Variants in DRG2 observed in about 807,000 individuals in gnomAD.
DRG2 encodes developmentally-regulated GTP-binding protein 2.
Under a neutral mutation model 53.4 loss-of-function variants are expected in DRG2, and 36 were observed. The ratio of observed to expected loss-of-function variants is 0.67; its 90% confidence interval spans 0.52 to 0.89. The LOEUF is 0.89. Among genes scored for constraint, DRG2 ranks in the 40% least tolerant of loss-of-function variants. The pLI, the probability that DRG2 is intolerant of heterozygous loss-of-function variation, is 0.00. For synonymous variants in DRG2, 167 were observed against 192.1 expected, an observed-to-expected ratio of 0.87 and a Z score of 1.08; for missense variants, 342 against 481.2, an observed-to-expected ratio of 0.71 and a Z score of 2.71.
chr17:18,103,332 T>C lies in DRG2; in HGVS notation c.807-469T>C, dbSNP rs2045572568. Among the ~76,000 whole-genome samples the C allele has an allele frequency of 6.6e-6, 1 of 152,140 alleles. No individual in the cohort carries two copies. Among genetic ancestry groups the C allele is most frequent in the African/African-American group, 2.4e-5 (1 of 41,434 alleles). On this transcript the variant is annotated intron_variant, in intron 9 of 12. Transcript: ENST00000225729. The surrounding 1 kb of genome is among the most constrained non-coding windows in gnomAD (Gnocchi z 4.4). ...CTCTGCAGTCCTGCGAGGTAGGGAC[T>C]GGGTTCATGCCTGTTCTACATGTAA... is the stretch of plus-strand genomic sequence containing the variant.
At chr17:18,101,612 T>C (rs754037077) in intron 8 of DRG2, 22 bp downstream of exon 8, 1 of 1,610,290 alleles carries the variant, frequency 6.2e-7, no homozygotes, top group Non-Finnish European at 8.5e-7. Flanking sequence ...AGGGGAGCCC[T>C]GGCCTGGCCA....
At chr17:18,093,663 C>A (rs745730602) in intron 1 of DRG2, 150 bp from the exon 2 acceptor site, 15 of 878,720 alleles carry the variant, frequency 1.7e-5, no homozygotes, top group Non-Finnish European at 2.4e-5. Flanking sequence ...GCCAAGGGGG[C>A]CTTTTAAGCA....
chr17:18,106,305 CTGTG>C (rs1439183631), intron 11 of DRG2, 124 bp from the exon 12 acceptor site: 1 of 986,726 alleles, frequency 1.0e-6, no homozygotes, highest in Non-Finnish European at 1.6e-6. Context: ...AAGGCCCAGA[CTGTG>C]TGGGCACCTG....
chr17:18,093,990 G>A lies in DRG2; in HGVS notation c.225+17G>A, dbSNP rs762612644. The A allele has an allele frequency of 2.5e-6, 4 of 1,603,982 alleles. No homozygotes were observed. Among genetic ancestry groups the A allele is most frequent in the Admixed American group, 3.4e-5 (2 of 59,192 alleles). On this transcript the variant is annotated intron_variant, in intron 2 of 12. Transcript: ENST00000225729. Reference sequence around the variant, plus strand: ...GTGGGTAAGGTCAGTGATGGTCAGTGTGGGCCTCGGGGAGGAAAGCAAGAA... The same window carrying A: ...GTGGGTAAGGTCAGTGATGGTCAGTATGGGCCTCGGGGAGGAAAGCAAGAA...
chr17:18,088,224 G>T (rs2045250492), intron 1 of DRG2, 137 bp downstream of exon 1: 4 of 1,100,312 alleles, frequency 3.6e-6, no homozygotes, highest in Admixed American at 2.8e-5. Context: ...TGCCGAGGCC[G>T]CCCTGCGCGC....
chr17:18,104,023 C>T (rs2045584058), intron 10 of DRG2, 134 bp downstream of exon 10: 1 of 846,710 alleles, frequency 1.2e-6, no homozygotes, highest in Non-Finnish European at 1.9e-6. Context: ...AGCTCTTTTC[C>T]CTTCTCAGCA....
rs978760876 is a variant in DRG2, at chr17:18,104,346, G to T, written c.896-277G>T. ...CATCCCTTTGCGCCCTGCCCGTTCA[G>T]TCCAGGTCCTGGTCTCTGTCAGTGC... is the stretch of plus-strand genomic sequence containing the variant. On this transcript the variant is annotated intron_variant, in intron 10 of 12. Coordinates refer to ENST00000225729, the MANE Select transcript of DRG2 (RefSeq NM_001388.5). Among the ~76,000 whole-genome samples, 24 of 152,242 alleles carry T rather than the reference G, an allele frequency of 1.6e-4. No homozygotes were observed. The highest frequency in any genetic ancestry group is 6.5e-5 in the Admixed American group (1 of 15,284).
Position 18,107,183 on chromosome 17 carries a change from G to A in DRG2, c.1038G>A (p.Arg346=). The change falls in exon 13 of 13, where the codon CGG becomes CGA. Residue 346 remains arginine, a synonymous_variant. Coordinates refer to ENST00000225729, the MANE Select transcript of DRG2 (RefSeq NM_001388.5). ...WGTSTKYSPQ[R]VGLTHTMEHE... ...CCAGCACCAAGTACAGTCCGCAGCG[G>A]GTGGGCCTGACCCACACCATGGAGC... 5.0e-6 allele frequency: 8 copies of A among 1,613,458 alleles called. No homozygotes were observed. The highest frequency in any genetic ancestry group is 6.8e-6 in the Non-Finnish European group (8 of 1,180,018).
At chr17:18,104,495 G>A (rs1164966973) in intron 10 of DRG2, 128 bp from the exon 11 acceptor site, 1 of 1,516,818 alleles carries the variant, frequency 6.6e-7, no homozygotes, top group Non-Finnish European at 8.8e-7. Context: ...CTGGATGTCA[G>A]GGGGAGGTTA....
In DRG2 at chr17:18,100,758, G is replaced by A; in HGVS notation, c.631+99G>A. On this transcript the variant is annotated intron_variant, in intron 7 of 12. Transcript: ENST00000225729. This position sits in a 1 kb window ranked among gnomAD's most constrained non-coding sequence, Gnocchi z 4.1. ...GGAGGCCTCATGGAGCAGGGTGGCAGCAGGTCACCCCCACTGCCCCTGCTG... is the reference window on the plus strand; with the variant it reads ...GGAGGCCTCATGGAGCAGGGTGGCAACAGGTCACCCCCACTGCCCCTGCTG... 1 of 1,209,334 alleles carries A rather than the reference G, an allele frequency of 8.3e-7. No homozygotes were observed. Among genetic ancestry groups the A allele is most frequent in the Non-Finnish European group, 1.2e-6 (1 of 847,648 alleles). The allele number at this position is 1,209,334 out of a possible 1,614,324, so 74.9% of individuals were successfully genotyped here.
At position 18,088,107 on chromosome 17, in the gene DRG2, G is replaced by T. The variant is rs548301666; in HGVS notation, c.64+20G>T. On this transcript the variant is annotated intron_variant, in intron 1 of 12. Transcript: ENST00000225729. ...ACAAGGGTGAGGGCCGGCCGGGCGG[G>T]GCCTTCCTTTCTGCCTGCCTCAGTT... is the stretch of plus-strand genomic sequence containing the variant. 13 of 1,537,764 alleles carry T rather than the reference G, an allele frequency of 8.5e-6. No homozygotes were observed. The South Asian group carries it at 1.6e-4, about 19-fold the overall frequency.
Position 18,101,303 on chromosome 17 carries a change from A to G in DRG2, c.632-190A>G, listed in dbSNP as rs143603830. ...AAACTCTGTGTTGATTGAAACTTTTATATATTGTGGTCCCTCTGGGGAAGA... is the reference window on the plus strand; with the variant it reads ...AAACTCTGTGTTGATTGAAACTTTTGTATATTGTGGTCCCTCTGGGGAAGA... On this transcript the variant is annotated intron_variant, in intron 7 of 12. Transcript: ENST00000225729. Among the ~76,000 whole-genome samples the G allele has an allele frequency of 2.5e-3, 386 of 152,268 alleles. 4 individuals are homozygous for G. The highest frequency in any genetic ancestry group is 8.9e-3 in the African/African-American group (370 of 41,558).
In DRG2 at chr17:18,106,482, T is replaced by A; in HGVS notation, c.1004T>A (p.Val335Glu). The stretch of plus-strand genomic sequence containing the variant: ...GCCAGCCAGTTCAAGTACGCCCTGG[T>A]GTGGGTGAGTCTCTGGGTGGAAAGC... Reference protein sequence around the residue: ...SLASQFKYALVWGTSTKYSPQ... With the variant: ...SLASQFKYALEWGTSTKYSPQ... The change falls in exon 12 of 13, where the codon GTG (valine) becomes GAG (glutamate). Residue 335 changes from valine (V) to glutamate (E), a missense_variant. Val to Glu is a moderately radical substitution (Grantham distance 121). Coordinates refer to ENST00000225729, the MANE Select transcript of DRG2 (RefSeq NM_001388.5). The A allele has an allele frequency of 6.2e-7, 1 of 1,613,870 alleles. No individual in the cohort carries two copies. Among genetic ancestry groups the A allele is most frequent in the Non-Finnish European group, 8.5e-7 (1 of 1,179,878 alleles).
At chr17:18,094,889 G>T (rs150339990) in intron 2 of DRG2, among the ~76,000 whole-genome samples, 1 of 133,580 alleles carries the variant, frequency 7.5e-6, no homozygotes, top group Non-Finnish European at 1.5e-5. Context: ...CAGGAGAATC[G>T]CTTGAACCTG....
intron 1 of DRG2, among the ~76,000 whole-genome samples, chr17:18,089,102 G>T (rs2045267673): frequency 6.6e-6 from 1 of 152,114 alleles, no homozygotes; most frequent in Non-Finnish European, 1.5e-5. Context: ...GAAGGCCAAG[G>T]AGTTGAGGGC....
chr17:18,099,931 T>C lies in DRG2; in HGVS notation c.467+208T>C. Reference sequence around the variant, plus strand: ...AGCCAGCACAGAGGTATCTTGGGACTGGGGGCCGAGGGGCTTGGCCTGGCC... The same window carrying C: ...AGCCAGCACAGAGGTATCTTGGGACCGGGGGCCGAGGGGCTTGGCCTGGCC... On this transcript the variant is annotated intron_variant, in intron 5 of 12. Transcript: ENST00000225729. The surrounding 1 kb of genome is among the most constrained non-coding windows in gnomAD (Gnocchi z 4.4). The C allele has an allele frequency of 1.6e-6, 1 of 619,416 alleles. No individual in the cohort carries two copies. The highest frequency in any genetic ancestry group is 2.0e-5 in the South Asian group (1 of 50,852). 38.4% of individuals were successfully genotyped at this position (619,416 alleles called of 1,614,324 possible).
Position 18,104,430 on chromosome 17 carries a change from CTG to C in DRG2, c.896-189_896-188del, listed in dbSNP as rs1567606648. Reference sequence around the variant, plus strand: ...CCTAGACGTGATTTATTTTGAGTCACTGTGTTAAGATCAAGGTCGTAGAAGAT... The same window carrying C: ...CCTAGACGTGATTTATTTTGAGTCACTGTTAAGATCAAGGTCGTAGAAGAT... On this transcript the variant is annotated intron_variant, in intron 10 of 12. Transcript: ENST00000225729. 6 of 1,230,034 alleles carry C rather than the reference CTG, an allele frequency of 4.9e-6. No homozygotes were observed. In the East Asian group the frequency reaches 1.3e-4, roughly 26 times the overall value. 76.2% of individuals were successfully genotyped at this position (1,230,034 alleles called of 1,614,324 possible). A position where few individuals can be genotyped will look rare whatever the true frequency, so the allele number is the denominator to read the frequency against.
Position 18,100,215 on chromosome 17 carries a change from T to C in DRG2, c.468-148T>C, listed in dbSNP as rs1323063828. On this transcript the variant is annotated intron_variant, in intron 5 of 12. Transcript: ENST00000225729. This position sits in a 1 kb window ranked among gnomAD's most constrained non-coding sequence, Gnocchi z 4.1. ...AGAAGTTCCCTGCAGCTCTAGGGCATTGGGAAGGAGTGTTCTCTGGGTTGC... is the reference window on the plus strand; with the variant it reads ...AGAAGTTCCCTGCAGCTCTAGGGCACTGGGAAGGAGTGTTCTCTGGGTTGC... 6 of 800,044 alleles carry C rather than the reference T, an allele frequency of 7.5e-6. No homozygotes were observed. The highest frequency in any genetic ancestry group is 3.4e-5 in the African/African-American group (2 of 58,836). The allele number at this position is 800,044 out of a possible 1,614,324, so 49.6% of individuals were successfully genotyped here.
chr17:18,100,301 G>T lies in DRG2; in HGVS notation c.468-62G>T. The T allele has an allele frequency of 6.4e-7, 1 of 1,551,232 alleles. No individual in the cohort carries two copies. Among genetic ancestry groups the T allele is most frequent in the South Asian group, 1.1e-5 (1 of 89,612 alleles). On this transcript the variant is annotated intron_variant, in intron 5 of 12. Coordinates refer to ENST00000225729, the MANE Select transcript of DRG2 (RefSeq NM_001388.5). The surrounding 1 kb of genome is among the most constrained non-coding windows in gnomAD (Gnocchi z 4.1). ...GTGGGCAGTGACATCCTGCGTAACA[G>T]GGAAGCTGTGCATCTGGCTCTGTGG...
Sources: gnomAD v4.1 joint callset for allele counts (sites outside exome capture counted in the v4.1 genomes callset) on GRCh38, gnomAD v4.1.1 for gene constraint, Gnocchi (gnomAD v3.1) non-coding constraint, MANE v1.5 for transcripts, NCBI Gene and HGNC (gene_info 2026-07-23, HGNC 2026-07-21) for gene names.